HCN1: variants seen among roughly 807,000 people sequenced by gnomAD.
HCN1 encodes the protein potassium/sodium hyperpolarization-activated cyclic nucleotide-gated channel 1.
In HCN1, 13 loss-of-function variants were observed where a neutral mutation model predicts 78.9. That is an observed-to-expected ratio of 0.16 (90% CI 0.11 to 0.26). The LOEUF (loss-of-function observed/expected upper bound fraction) is 0.26. Ranked by LOEUF, HCN1 falls within the 10% of genes least tolerant of loss-of-function variation. The pLI is 1.00. For synonymous variants in HCN1, 552 were observed against 455.5 expected (o/e 1.21, Z -2.70); for missense variants, 810 against 1,154.3 (o/e 0.70, Z 4.32).
At chr5:45,556,233 T>C (rs978048251) in intron 2 of HCN1, among the ~76,000 whole-genome samples, 10 of 151,932 alleles carry the variant, frequency 6.6e-5, no homozygotes, top group African/African-American at 2.4e-4. Flanking sequence ...TAAACAGCTT[T>C]TGAACAGCAA....
intron 1 of HCN1, among the ~76,000 whole-genome samples, chr5:45,652,390 C>A (rs1745691007): frequency 6.6e-6 from 1 of 151,892 alleles, no homozygotes; most frequent in South Asian, 2.1e-4. Context: ...AGCATAGACT[C>A]ATTTTTCTCA....
At chr5:45,580,221 T>G (rs1579980327) in intron 2 of HCN1, among the ~76,000 whole-genome samples, 1 of 151,970 alleles carries the variant, frequency 6.6e-6, no homozygotes, top group African/African-American at 2.4e-5. Flanking sequence ...AATAGGGAGA[T>G]TACCTTGGAT....
At chr5:45,683,341 CTGATA>C (rs780897241) in intron 1 of HCN1, among the ~76,000 whole-genome samples, 17 of 151,944 alleles carry the variant, frequency 1.1e-4, no homozygotes, top group Non-Finnish European at 2.2e-4. Flanking sequence ...AGGAAAGTTA[CTGATA>C]TATCTTAATG....
At chr5:45,375,161 A>T (rs1363190054) in intron 4 of HCN1, among the ~76,000 whole-genome samples, 6 of 120,940 alleles carry the variant, frequency 5.0e-5, no homozygotes, top group African/African-American at 1.6e-4. Flanking sequence ...TATTATATAT[A>T]ATATATTTTA....
chr5:45,331,855 A>G (rs187204924), intron 5 of HCN1, among the ~76,000 whole-genome samples: 2 of 151,602 alleles, frequency 1.3e-5, no homozygotes, highest in Admixed American at 1.3e-4. Context: ...CATCATCATC[A>G]GTAATTCATT....
At chr5:45,300,435 T>C (rs181002731) in intron 6 of HCN1, among the ~76,000 whole-genome samples, 33 of 152,166 alleles carry the variant, frequency 2.2e-4, no homozygotes, top group Admixed American at 5.9e-4. Context: ...GATGAAGACC[T>C]TGATGATGAT....
chr5:45,338,405 A>G (rs1470545047), intron 5 of HCN1, among the ~76,000 whole-genome samples: 3 of 152,158 alleles, frequency 2.0e-5, no homozygotes, highest in African/African-American at 7.2e-5. Flanking sequence ...ATACTATAAG[A>G]TAACATGTTG....
intron 2 of HCN1, among the ~76,000 whole-genome samples, chr5:45,638,189 A>G (rs1421015789): frequency 6.6e-6 from 1 of 152,108 alleles, no homozygotes; most frequent in Non-Finnish European, 1.5e-5. Flanking sequence ...GAAATAAGGG[A>G]AAAGGAGATT....
intron 2 of HCN1, chr5:45,644,588 T>C (rs1272859482): frequency 6.6e-6 from 1 of 152,518 alleles, no homozygotes; most frequent in Admixed American, 6.6e-5. Flanking sequence ...CATGAATATG[T>C]TCCTTTTTAG....
At chr5:45,516,195 T>C (rs2111768514) in intron 2 of HCN1, among the ~76,000 whole-genome samples, 1 of 152,106 alleles carries the variant, frequency 6.6e-6, no homozygotes, top group East Asian at 1.9e-4. Context: ...TCCTCCAAAT[T>C]TGACCCATTC....
chr5:45,679,328 C>T (rs550550987), intron 1 of HCN1, among the ~76,000 whole-genome samples: 2 of 152,146 alleles, frequency 1.3e-5, no homozygotes, highest in African/African-American at 4.8e-5. Flanking sequence ...GGACTAGCAC[C>T]TGGCACCTAG....
intron 2 of HCN1, among the ~76,000 whole-genome samples, chr5:45,548,958 C>A (rs974602857): frequency 6.6e-6 from 1 of 151,276 alleles, no homozygotes; most frequent in Non-Finnish European, 1.5e-5. Flanking sequence ...AGGACCTCTT[C>A]AAGGAGAACT....
intron 5 of HCN1, among the ~76,000 whole-genome samples, chr5:45,343,091 CAT>C (rs1746618938): frequency 2.6e-5 from 4 of 152,072 alleles, no homozygotes; most frequent in Admixed American, 1.3e-4. Context: ...TTCTGGAACA[CAT>C]GTGGTAAAGG....
At chr5:45,453,248 C>T (rs1339775053) in intron 3 of HCN1, among the ~76,000 whole-genome samples, 1 of 152,062 alleles carries the variant, frequency 6.6e-6, no homozygotes, top group East Asian at 1.9e-4. Context: ...TTGAATAATA[C>T]AGTAGAAACT....
At chr5:45,500,636 G>T (rs1287986591) in intron 2 of HCN1, among the ~76,000 whole-genome samples, 1 of 152,034 alleles carries the variant, frequency 6.6e-6, no homozygotes, top group African/African-American at 2.4e-5. Context: ...GTATATTTCT[G>T]CAATAATTTA....
intron 6 of HCN1, among the ~76,000 whole-genome samples, chr5:45,293,138 G>A (rs1404538404): frequency 1.3e-5 from 2 of 152,044 alleles, no homozygotes; most frequent in Non-Finnish European, 2.9e-5. Flanking sequence ...GGGTTAAACG[G>A]TATTTCTGTC....
chr5:45,386,769 C>T (rs1747930348), intron 4 of HCN1, among the ~76,000 whole-genome samples: 1 of 152,128 alleles, frequency 6.6e-6, no homozygotes, highest in Non-Finnish European at 1.5e-5. Context: ...AGTCTATTTA[C>T]ATCCTTTAAT....
At chr5:45,315,012 G>C (rs1392961690) in intron 5 of HCN1, among the ~76,000 whole-genome samples, 2 of 152,202 alleles carry the variant, frequency 1.3e-5, no homozygotes, top group East Asian at 1.9e-4. Flanking sequence ...CAACGAGACA[G>C]AAAGTTAACC....
chr5:45,261,759 T>C lies in HCN1; in HGVS notation c.*162A>G, dbSNP rs1254743082. Reference sequence around the variant, plus strand: ...GGGAATTTAGATATATATTTTATAGTATATGTATATATATTTTTACATTTC... The same window carrying C: ...GGGAATTTAGATATATATTTTATAGCATATGTATATATATTTTTACATTTC... On this transcript the variant is annotated 3_prime_UTR_variant, in exon 8 of 8. Coordinates refer to ENST00000303230, the MANE Select transcript of HCN1 (RefSeq NM_021072.4). 1.3e-6 allele frequency: 1 copy of C among 755,578 alleles called. No individual in the cohort carries two copies. The highest frequency in any genetic ancestry group is 1.7e-5 in the African/African-American group (1 of 57,152). The allele number at this position is 755,578 out of a possible 1,614,324, so 46.8% of individuals were successfully genotyped here.
Sources: allele counts gnomAD v4.1 joint callset (sites outside exome capture counted in the v4.1 genomes callset), GRCh38; gene constraint gnomAD v4.1.1; transcripts MANE v1.5; gene names NCBI Gene and HGNC (gene_info 2026-07-23, HGNC 2026-07-21).